DMD: variants seen among roughly 807,000 people sequenced by gnomAD.
The protein encoded by DMD is dystrophin.
In DMD, 63 loss-of-function variants were observed where a neutral mutation model predicts 330.1. The observed-to-expected ratio is 0.19, with a 90% CI of 0.16 to 0.24. The LOEUF (loss-of-function observed/expected upper bound fraction) is 0.24. DMD is among the 10% of genes least tolerant of loss of function. The pLI is 1.00. For synonymous variants in DMD, 1,223 were observed against 959.8 expected (o/e 1.27, Z -5.07); for missense variants, 3,344 against 2,684.1 (o/e 1.25, Z -5.43).
chrX:31,671,316 G>A (rs943983567), intron 53 of DMD, among the ~76,000 whole-genome samples: 8 of 112,245 alleles, frequency 7.1e-5, no homozygotes, highest in Admixed American at 5.6e-4. Flanking sequence ...ATGACCATAC[G>A]ATTTTTGTCC....
At chrX:32,770,198 G>T (rs1479560456) in intron 7 of DMD, among the ~76,000 whole-genome samples, 1 of 111,692 alleles carries the variant, frequency 9.0e-6, no homozygotes. Flanking sequence ...GACATGCTTA[G>T]ACCTGTCATC....
intron 2 of DMD, among the ~76,000 whole-genome samples, chrX:33,010,329 T>TCAC (rs1334473533): frequency 9.5e-6 from 1 of 105,626 alleles, no homozygotes; most frequent in Non-Finnish European, 1.9e-5. Flanking sequence ...TATAAATATG[T>TCAC]ATATATGTAC....
At chrX:32,710,665 C>T (rs1186994974) in intron 7 of DMD, among the ~76,000 whole-genome samples, 1 of 110,816 alleles carries the variant, frequency 9.0e-6, no homozygotes, top group East Asian at 2.8e-4. Flanking sequence ...ATAATATTGA[C>T]TGATATCTAC....
intron 59 of DMD, among the ~76,000 whole-genome samples, chrX:31,471,121 T>C (rs149671400): frequency 3.4e-4 from 38 of 111,123 alleles, no homozygotes; most frequent in African/African-American, 1.2e-3. Context: ...CTAGACCACT[T>C]GGCTCCCTGA....
At chrX:31,214,886 A>G (rs1569474322) in intron 64 of DMD, among the ~76,000 whole-genome samples, 2 of 96,867 alleles carry the variant, frequency 2.1e-5, no homozygotes, top group African/African-American at 7.8e-5. Context: ...AAAAGGTGAG[A>G]TTGTTGCAAG....
chrX:32,514,314 G>A (rs1476550954), intron 18 of DMD, among the ~76,000 whole-genome samples: 1 of 110,808 alleles, frequency 9.0e-6, no homozygotes, highest in African/African-American at 3.3e-5. Flanking sequence ...AGTAGGAGAT[G>A]AAATCATTTA....
At chrX:31,188,003 AG>A (rs757103047) in intron 67 of DMD, among the ~76,000 whole-genome samples, 26 of 111,885 alleles carry the variant, frequency 2.3e-4, no homozygotes, top group Non-Finnish European at 4.3e-4. Context: ...TGAATTACCA[AG>A]GGAGGCTGTA....
At chrX:31,374,690 G>T (rs1251440647) in intron 60 of DMD, among the ~76,000 whole-genome samples, 1 of 59,719 alleles carries the variant, frequency 1.7e-5, no homozygotes, top group Non-Finnish European at 2.9e-5. Context: ...GGGGAGGGGG[G>T]AGGGATAGCA....
At chrX:31,880,271 T>C (rs1010138413) in intron 47 of DMD, among the ~76,000 whole-genome samples, 13 of 111,577 alleles carry the variant, frequency 1.2e-4, no homozygotes, top group Non-Finnish European at 2.1e-4. Flanking sequence ...AAAAAGAATA[T>C]AAAAAGATTG....
chrX:32,653,341 G>A (rs183342053), intron 9 of DMD, among the ~76,000 whole-genome samples: 8 of 111,936 alleles, frequency 7.1e-5, no homozygotes, highest in Admixed American at 1.9e-4. Context: ...TGTATAATGT[G>A]TAAGGAAGGG....
At chrX:32,394,916 C>CAAAACAAAAAAAAAAAAAACAAAAA (rs2098030291) in intron 30 of DMD, among the ~76,000 whole-genome samples, 1 of 39,034 alleles carries the variant, frequency 2.6e-5, no homozygotes, top group Non-Finnish European at 5.0e-5. Flanking sequence ...AACAAAAAAA[C>CAAAACAAAAAAAAAAAAAACAAAAA]AAAAAAAAAA....
At chrX:32,366,688 G>A (rs1463760411) in intron 34 of DMD, among the ~76,000 whole-genome samples, 1 of 111,546 alleles carries the variant, frequency 9.0e-6, no homozygotes, top group Non-Finnish European at 1.9e-5. Context: ...TAGTCCTGTG[G>A]CTGTCTTTCT....
At chrX:32,024,224 C>T (rs189101699) in intron 44 of DMD, among the ~76,000 whole-genome samples, 7 of 111,837 alleles carry the variant, frequency 6.3e-5, no homozygotes, top group Non-Finnish European at 1.1e-4. Flanking sequence ...GTGGCTCATG[C>T]ATGTAATCCC....
In DMD at chrX:33,011,727, A is replaced by G. The variant is rs73621858; in HGVS notation, c.93+8412T>C. ...GTTGAAAGGTTATTTTAGTAAACATATATCTCTGATAGGATGGTACCAGAG... is the reference window on the plus strand; with the variant it reads ...GTTGAAAGGTTATTTTAGTAAACATGTATCTCTGATAGGATGGTACCAGAG... On this transcript the variant is annotated intron_variant, in intron 2 of 78. Transcript: ENST00000357033. 8.3e-3 allele frequency among the ~76,000 whole-genome samples: 928 copies of G among 111,883 alleles called. 11 individuals carry two copies. Among genetic ancestry groups the G allele is most frequent in the African/African-American group, 0.028 (869 of 30,878 alleles).
At chrX:31,455,525 T>C (rs1469633983) in intron 59 of DMD, among the ~76,000 whole-genome samples, 1 of 112,107 alleles carries the variant, frequency 8.9e-6, no homozygotes, top group Non-Finnish European at 1.9e-5. Flanking sequence ...CAATAGCTAT[T>C]GTCAGACTGC....
At chrX:31,126,524 G>T in intron 78 of DMD, 118 bp downstream of exon 78, 1 of 615,815 alleles carries the variant, frequency 1.6e-6, no homozygotes, top group Non-Finnish European at 2.8e-6. Flanking sequence ...CTTACATGAT[G>T]ACACAATGTG....
At chrX:32,447,965 C>A (rs2098312535) in intron 27 of DMD, among the ~76,000 whole-genome samples, 1 of 110,910 alleles carries the variant, frequency 9.0e-6, no homozygotes, top group South Asian at 3.7e-4. Context: ...GGTTAGGTAA[C>A]ATGTCTAACA....
At chrX:33,028,973 AATT>A (rs1199227213) in intron 1 of DMD, among the ~76,000 whole-genome samples, 1 of 111,728 alleles carries the variant, frequency 9.0e-6, no homozygotes, top group Admixed American at 9.5e-5. Context: ...TAGATGGGAG[AATT>A]ATTATGTCTT....
chrX:32,200,650 C>CA (rs1376238553), intron 44 of DMD, among the ~76,000 whole-genome samples: 3 of 111,730 alleles, frequency 2.7e-5, no homozygotes, highest in Non-Finnish European at 5.7e-5. Flanking sequence ...TTTTTAAAAG[C>CA]AAAATGAAGT....
Sources: gnomAD v4.1 joint callset for allele counts (sites outside exome capture counted in the v4.1 genomes callset) on GRCh38, gnomAD v4.1.1 for gene constraint, MANE v1.5 for transcripts, NCBI Gene and HGNC (gene_info 2026-07-23, HGNC 2026-07-21) for gene names.